Variants in TNFSF11 observed in about 807,000 individuals in gnomAD.
The protein encoded by TNFSF11 is tumor necrosis factor ligand superfamily member 11.
TNFSF11 carries 12 observed loss-of-function variants against 32.2 expected under a neutral mutation model. The observed-to-expected ratio is 0.37, with a 90% confidence interval of 0.24 to 0.60. The LOEUF (loss-of-function observed/expected upper bound fraction) is 0.60, where lower values mean the gene tolerates loss of function less well. TNFSF11 is among the 20% of genes least tolerant of loss of function. The pLI, the probability that TNFSF11 is intolerant of heterozygous loss-of-function variation, is 0.66. For missense variants in TNFSF11, 345 were observed against 398.0 expected (o/e 0.87, Z 1.13); for synonymous variants, 172 against 152.1 (o/e 1.13, Z -0.96).
At chr13:42,588,881 T>A (rs1348523947) in intron 2 of TNFSF11, among the ~76,000 whole-genome samples, 1 of 152,146 alleles carries the variant, frequency 6.6e-6, no homozygotes, top group Admixed American at 6.5e-5. Flanking sequence ...CCGGAAATTG[T>A]CAAGAGCTGT....
At chr13:42,591,926 C>A (rs1868502562) in intron 2 of TNFSF11, among the ~76,000 whole-genome samples, 1 of 152,152 alleles carries the variant, frequency 6.6e-6, no homozygotes, top group South Asian at 2.1e-4. Flanking sequence ...AGAGTTCTTG[C>A]AGGTGGAACT....
intron 2 of TNFSF11, among the ~76,000 whole-genome samples, chr13:42,596,342 C>T (rs1388443922): frequency 2.6e-5 from 4 of 152,144 alleles, no homozygotes; most frequent in Admixed American, 2.6e-4. Context: ...GTCCCGGCTC[C>T]TTTTTGTCAG....
chr13:42,578,266 G>A (rs760920955), intron 1 of TNFSF11, among the ~76,000 whole-genome samples: 5 of 152,178 alleles, frequency 3.3e-5, no homozygotes, highest in African/African-American at 9.7e-5. Flanking sequence ...TTGGGTAGGC[G>A]ATACATTCGT....
At chr13:42,579,415 CAAAAAAAAA>C (rs34345592) in intron 1 of TNFSF11, among the ~76,000 whole-genome samples, 1 of 112,940 alleles carries the variant, frequency 8.9e-6, no homozygotes, top group Non-Finnish European at 1.8e-5. Flanking sequence ...ACCCTGTCTT[CAAAAAAAAA>C]AAAAAAAGGA....
intron 1 of TNFSF11, among the ~76,000 whole-genome samples, chr13:42,563,583 A>G (rs1872759598): frequency 6.6e-6 from 1 of 151,858 alleles, no homozygotes; most frequent in Admixed American, 6.6e-5. Flanking sequence ...GAATCACTTG[A>G]ACCCAGGAGG....
At chr13:42,599,175 T>C (rs1335140310) in intron 2 of TNFSF11, among the ~76,000 whole-genome samples, 2 of 152,190 alleles carry the variant, frequency 1.3e-5, no homozygotes, top group African/African-American at 4.8e-5. Context: ...AGCTGTGCTA[T>C]CTCCTCCAAC....
At chr13:42,567,145 G>C (rs1872900428) in intron 2 of TNFSF11, among the ~76,000 whole-genome samples, 1 of 152,064 alleles carries the variant, frequency 6.6e-6, no homozygotes, top group Non-Finnish European at 1.5e-5. Context: ...ACAGATTCAG[G>C]AAACATTTAG....
intron 1 of TNFSF11, among the ~76,000 whole-genome samples, chr13:42,564,596 T>A (rs537091934): frequency 6.6e-6 from 1 of 152,340 alleles, no homozygotes; most frequent in Non-Finnish European, 1.5e-5. Flanking sequence ...TTGTCTACTA[T>A]TTCCAATATT....
chr13:42,600,760 A>C lies in TNFSF11; in HGVS notation c.396A>C (p.Gln132His). Residue 132 changes from glutamine to histidine, a missense_variant, in exon 3 of 5, where the codon CAA (glutamine) becomes CAC (histidine). Physicochemically the swap from Gln to His is conservative, Grantham distance 24. Transcript: ENST00000398795. ...TTTCCTTTTTATTTCAGGAATTACA[A>C]CATATCGTTGGATCACAGCACATCA... Reference protein sequence around the residue: ...AFQGAVQKELQHIVGSQHIRA... With the variant: ...AFQGAVQKELHHIVGSQHIRA... 6.2e-7 allele frequency: 1 copy of C among 1,613,964 alleles called. No homozygotes were observed. Among genetic ancestry groups the C allele is most frequent in the East Asian group, 2.2e-5 (1 of 44,886 alleles).
At chr13:42,603,679 A>G (rs1278544226) in intron 4 of TNFSF11, among the ~76,000 whole-genome samples, 1 of 152,114 alleles carries the variant, frequency 6.6e-6, no homozygotes, top group Non-Finnish European at 1.5e-5. Flanking sequence ...CCTGCTTGCC[A>G]TGAATTTCTG....
At chr13:42,588,236 C>A (rs1244165636) in intron 2 of TNFSF11, among the ~76,000 whole-genome samples, 3 of 152,224 alleles carry the variant, frequency 2.0e-5, no homozygotes, top group African/African-American at 7.2e-5. Flanking sequence ...CCAAGGCCAT[C>A]TATTGGCTTT....
intron 4 of TNFSF11, among the ~76,000 whole-genome samples, chr13:42,604,840 G>A (rs1001482927): frequency 2.0e-5 from 3 of 152,072 alleles, no homozygotes; most frequent in South Asian, 4.1e-4. Context: ...CTGGAGTGCC[G>A]TAGCGCGATC....
rs1342819976 is a variant in TNFSF11, at chr13:42,586,131, G to A, written c.387+4838G>A. Among the ~76,000 whole-genome samples, 9 of 152,186 alleles carry A rather than the reference G, an allele frequency of 5.9e-5. 1 individual carries two copies. The highest frequency in any genetic ancestry group is 1.3e-4 in the Non-Finnish European group (9 of 68,042). On this transcript the variant is annotated intron_variant, in intron 2 of 4. Coordinates refer to ENST00000398795, the MANE Select transcript of TNFSF11 (RefSeq NM_003701.4). ...ATTTAATATTTAAATAAATACATAT[G>A]TACATTTCAGAGCATGAAAAATTTT... is the stretch of plus-strand genomic sequence containing the variant.
At chr13:42,603,387 G>A (rs939118112) in intron 4 of TNFSF11, among the ~76,000 whole-genome samples, 21 of 152,108 alleles carry the variant, frequency 1.4e-4, no homozygotes, top group African/African-American at 4.8e-4. Context: ...CTGGAGTCAG[G>A]GGTTGTCAGT....
intron 2 of TNFSF11, among the ~76,000 whole-genome samples, chr13:42,596,364 C>A (rs1274690381): frequency 2.6e-5 from 4 of 152,140 alleles, no homozygotes; most frequent in African/African-American, 9.7e-5. Context: ...TCCCAGGATC[C>A]CCAGCAGCCA....
intron 2 of TNFSF11, among the ~76,000 whole-genome samples, chr13:42,581,923 C>A (rs1229608435): frequency 6.6e-6 from 1 of 152,212 alleles, no homozygotes; most frequent in Non-Finnish European, 1.5e-5. Flanking sequence ...TTGGGAAACA[C>A]TGTAATAACT....
At chr13:42,572,316 A>G (rs1291492860), upstream of TNFSF11, among the ~76,000 whole-genome samples, 1 of 152,232 alleles carries the variant, frequency 6.6e-6, no homozygotes, top group Non-Finnish European at 1.5e-5. Flanking sequence ...AACATGTATA[A>G]AACATTGTTG....
intron 1 of TNFSF11, among the ~76,000 whole-genome samples, chr13:42,574,926 G>T (rs76105847): frequency 6.6e-6 from 1 of 152,236 alleles, no homozygotes; most frequent in Non-Finnish European, 1.5e-5. Context: ...AAAGATGAGC[G>T]CCTTCACTTG....
At chr13:42,581,024 A>G in intron 1 of TNFSF11, 102 bp from the exon 2 acceptor site, 1 of 1,225,596 alleles carries the variant, frequency 8.2e-7, no homozygotes, top group Non-Finnish European at 1.2e-6. Context: ...GGACATAAAG[A>G]CTCTTGCGAG....
Sources: gnomAD v4.1 joint callset for allele counts (sites outside exome capture counted in the v4.1 genomes callset) on GRCh38, gnomAD v4.1.1 for gene constraint, MANE v1.5 for transcripts, NCBI Gene and HGNC (gene_info 2026-07-23, HGNC 2026-07-21) for gene names.